MYH7: variants seen among roughly 807,000 people sequenced by gnomAD.
MYH7 encodes myosin heavy chain 7, also known as myosin-7.
In MYH7, 129 loss-of-function variants were observed where a neutral mutation model predicts 225.4. The ratio of observed to expected loss-of-function variants is 0.57; its 90% CI spans 0.50 to 0.66. The LOEUF is 0.66. Among genes scored for constraint, MYH7 ranks in the 30% least tolerant of loss-of-function variants. MYH7 has a pLI of 0.00. For missense variants in MYH7, 1,649 were observed against 2,517.0 expected (o/e 0.66, Z 7.38); for synonymous variants, 971 against 1,007.6 (o/e 0.96, Z 0.69).
At position 23,419,178 on chromosome 14, in the gene MYH7, T is replaced by G; in HGVS notation, c.3971A>C (p.Lys1324Thr). The G allele has an allele frequency of 6.2e-7, 1 of 1,614,208 alleles. No homozygotes were observed. Among genetic ancestry groups the G allele is most frequent in the South Asian group, 1.1e-5 (1 of 91,092 alleles). Residue 1324 changes from lysine (K) to threonine (T), a missense_variant and splice_region_variant, in exon 29 of 40, where the codon AAG becomes ACG. Around this residue, in one of 12 missense-constraint regions of MYH7, gnomAD observed 687 missense variants for 913.8 expected, o/e 0.75. Coordinates refer to ENST00000355349, the MANE Select transcript of MYH7 (RefSeq NM_000257.4). ...DLKRQLEEEV[K>T]AKNALAHALQ... ...AGGTGGCCCGAGTCTAGCCCTTACCTTAACCTCCTCCTCCAGCTGCCTCTT... is the reference window on the plus strand; with the variant it reads ...AGGTGGCCCGAGTCTAGCCCTTACCGTAACCTCCTCCTCCAGCTGCCTCTT...
At position 23,433,683 on chromosome 14, in the gene MYH7, C is replaced by T. The variant is rs727503280; in HGVS notation, c.50G>A (p.Arg17His). ...AVFGAAAPYL[R>H]KSEKERLEAQ... ...TTCTAGCCGCTCCTTCTCTGACTTG[C>T]GCAGGTAGGGGGCGGCAGCCCCAAA... is the stretch of plus-strand genomic sequence containing the variant. Residue 17 changes from arginine to histidine, a missense_variant, in exon 3 of 40, where the codon CGC becomes CAC. This residue lies in a region of MYH7 where 91 missense variants were observed against 96.5 expected (regional missense o/e 0.94). Transcript: ENST00000355349. This position sits in a 1 kb window ranked among gnomAD's most constrained non-coding sequence, Gnocchi z 4.1. 12 of 1,614,138 alleles carry T rather than the reference C, an allele frequency of 7.4e-6. No individual in the cohort carries two copies. The highest frequency in any genetic ancestry group is 2.2e-5 in the East Asian group (1 of 44,894).
intron 11 of MYH7, 46 bp downstream of exon 11, chr14:23,430,514 T>G: frequency 6.7e-7 from 1 of 1,498,792 alleles, no homozygotes; most frequent in African/African-American, 1.4e-5. Flanking sequence ...TGTTTGCCCC[T>G]CACTGCCAAT....
At chr14:23,422,052 T>TC in intron 25 of MYH7, 128 bp downstream of exon 25, 1 of 1,440,616 alleles carries the variant, frequency 6.9e-7, no homozygotes. Flanking sequence ...GGAGGCCTTT[T>TC]CCCATGGTTT....
Position 23,429,887 on chromosome 14 carries a change from A to G in MYH7, c.1026T>C (p.Thr342=), listed in dbSNP as rs768638723. 7 of 1,614,090 alleles carry G rather than the reference A, an allele frequency of 4.3e-6. No homozygotes were observed. In the South Asian group the frequency reaches 7.7e-5, roughly 18 times the overall value. The change falls in exon 12 of 40, where the codon ACT becomes ACC. Residue 342 remains threonine (T), a synonymous_variant. Transcript: ENST00000355349. ...TATACATGGAGTTTTTCTCCTCTGA[A>G]GTGAAGCCCAGCACATCAAAAGCGT... The part of the protein sequence containing the change: ...TDNAFDVLGF[T]SEEKNSMYKL...
rs1162320803 is a variant in MYH7 at position 23,426,059 on chromosome 14, G to T, written c.2067C>A (p.Val689=). 8.1e-6 allele frequency: 13 copies of T among 1,614,212 alleles called. No individual in the cohort carries two copies. Among genetic ancestry groups the T allele is most frequent in the Non-Finnish European group, 1.1e-5 (13 of 1,180,032 alleles). ...KSPGVMDNPL[V]MHQLRCNGVL... ...CACCATTGCAGCGCAGCTGGTGCATGACCAGGGGGTTGTCCATCACCCCTG... is the reference window on the plus strand; with the variant it reads ...CACCATTGCAGCGCAGCTGGTGCATTACCAGGGGGTTGTCCATCACCCCTG... Residue 689 remains valine (V), a synonymous_variant, in exon 19 of 40, where the codon GTC becomes GTA. Coordinates refer to ENST00000355349, the MANE Select transcript of MYH7 (RefSeq NM_000257.4).
In MYH7 at chr14:23,412,862, C is replaced by T. The variant is rs730880825; in HGVS notation, c.5800G>A (p.Glu1934Lys). ...SRDIGTKGLN[E>K]E is the part of the protein sequence containing the mutation. ...ATCAAGATGTGGCAAAGCTACTCCT[C>T]ATTCAAGCCCTTTTGAAAGGAAACA... is the stretch of plus-strand genomic sequence containing the variant. The change falls in exon 40 of 40, where the codon GAG becomes AAG. Residue 1934 changes from glutamate (E) to lysine (K), a missense_variant. By Grantham distance (56) the Glu-to-Lys change is moderately conservative (BLOSUM62 1). Coordinates refer to ENST00000355349, the MANE Select transcript of MYH7 (RefSeq NM_000257.4). 1.9e-6 allele frequency: 3 copies of T among 1,614,098 alleles called. No individual in the cohort carries two copies. The Admixed American group carries it at 5.0e-5, about 27-fold the overall frequency.
In MYH7 at chr14:23,428,420, G is replaced by A. The variant is rs137967908; in HGVS notation, c.1578+80C>T. ...CCTTCTATTTTTATATTCCCCAGAA[G>A]GGAGAGGGGCTGCTATTTTGTCTAT... On this transcript the variant is annotated intron_variant, in intron 15 of 39. Transcript: ENST00000355349. 4 of 1,599,446 alleles carry A rather than the reference G, an allele frequency of 2.5e-6. No homozygotes were observed. The East Asian group carries it at 6.7e-5, about 27-fold the overall frequency.
intron 26 of MYH7, 58 bp downstream of exon 26, chr14:23,420,900 C>A (rs78157728): frequency 2.3e-6 from 3 of 1,309,356 alleles, no homozygotes; most frequent in Non-Finnish European, 3.3e-6. Flanking sequence ...GAGGAGGGGG[C>A]AGGGGAAACA....
rs1006150850 is a variant in MYH7 at position 23,425,504 on chromosome 14, C to G, written c.2287-86G>C. 30 of 1,605,098 alleles carry G rather than the reference C, an allele frequency of 1.9e-5. 1 individual carries two copies. The Admixed American group carries it at 3.4e-4, about 18-fold the overall frequency. On this transcript the variant is annotated intron_variant, in intron 20 of 39. Transcript: ENST00000355349. The surrounding 1 kb of genome is among the most constrained non-coding windows in gnomAD (Gnocchi z 4.6). ...GGATTACCTTAGGAAGGGTAACAGCCTAGAAAAGGATTGCAGGGAGGAGGT... is the reference window on the plus strand; with the variant it reads ...GGATTACCTTAGGAAGGGTAACAGCGTAGAAAAGGATTGCAGGGAGGAGGT...
chr14:23,422,921 G>A (rs1394070620), intron 24 of MYH7, among the ~76,000 whole-genome samples: 1 of 152,166 alleles, frequency 6.6e-6, no homozygotes, highest in East Asian at 1.9e-4. Context: ...GAGCCACCGC[G>A]GCTGGCCGCC....
chr14:23,419,328 C>T (rs977250717), intron 28 of MYH7, 33 bp from the exon 29 acceptor site: 1 of 1,613,490 alleles, frequency 6.2e-7, no homozygotes, highest in Non-Finnish European at 8.5e-7. Flanking sequence ...CAGCACTCCT[C>T]TCTATCCCCA....
intron 24 of MYH7, 45 bp from the exon 25 acceptor site, chr14:23,422,370 A>C (rs772029459): frequency 6.2e-7 from 1 of 1,613,712 alleles, no homozygotes; most frequent in South Asian, 1.1e-5. Flanking sequence ...AAGCATCCTG[A>C]CTTGGTGATT....
chr14:23,413,918 G>T (rs763067471), intron 38 of MYH7, 25 bp from the exon 39 acceptor site: 2 of 1,614,128 alleles, frequency 1.2e-6, no homozygotes, highest in African/African-American at 2.7e-5. Context: ...AGCATGAGGT[G>T]AGAGGGGGCC....
At chr14:23,416,777 G>A (rs1217056689) in intron 33 of MYH7, 91 bp downstream of exon 33, 1 of 1,602,458 alleles carries the variant, frequency 6.2e-7, no homozygotes, top group Admixed American at 1.7e-5. Context: ...GGATGGGACA[G>A]TGAACAAAAC....
rs3729820 is a variant in MYH7, at chr14:23,419,162, G to A, written c.3972+15C>T. 22,007 of 1,612,430 alleles carry A rather than the reference G, an allele frequency of 0.014. 214 individuals carry two copies. Among genetic ancestry groups the A allele is most frequent in the Non-Finnish European group, 0.015 (17,973 of 1,178,446 alleles). On this transcript the variant is annotated intron_variant, in intron 29 of 39. Coordinates refer to ENST00000355349, the MANE Select transcript of MYH7 (RefSeq NM_000257.4). Reference sequence around the variant, plus strand: ...GCTCCTTGCTTGGGCCAGGTGGCCCGAGTCTAGCCCTTACCTTAACCTCCT... The same window carrying A: ...GCTCCTTGCTTGGGCCAGGTGGCCCAAGTCTAGCCCTTACCTTAACCTCCT...
intron 14 of MYH7, 110 bp downstream of exon 14, chr14:23,428,845 A>C (rs1430276140): frequency 6.3e-7 from 1 of 1,587,610 alleles, no homozygotes; most frequent in African/African-American, 1.3e-5. Flanking sequence ...GTCACCACAC[A>C]GTCCCCACTG....
rs761162402 is a variant in MYH7, at chr14:23,415,025, G to C, written c.5529C>G (p.Ser1843Arg). The C allele has an allele frequency of 6.2e-7, 1 of 1,610,550 alleles. No individual in the cohort carries two copies. Among genetic ancestry groups the C allele is most frequent in the Non-Finnish European group, 8.5e-7 (1 of 1,180,000 alleles). ...NAESVKGMRK[S>R]ERRIKELTYQ... ...AGGTGAGCTCCTTGATGCGCCGCTC[G>C]CTCTTCCTCATGCCCTTCACCGACT... The change falls in exon 37 of 40, where the codon AGC becomes AGG. Residue 1843 changes from serine to arginine, a missense_variant. Ser to Arg is a moderately radical substitution (Grantham distance 110, BLOSUM62 -1). This residue lies in a region of MYH7 where 687 missense variants were observed against 913.8 expected (regional missense o/e 0.75). Transcript: ENST00000355349. This position sits in a 1 kb window ranked among gnomAD's most constrained non-coding sequence, Gnocchi z 6.3.
Position 23,425,737 on chromosome 14 carries a change from G to A in MYH7, c.2244C>T (p.Ser748=), listed in dbSNP as rs1439599919. ...TGTACTGGTTGTGATCAATGTCCAG[G>A]GAGCTGAGCAGCTTCTCTGCCCCCT... is the stretch of plus-strand genomic sequence containing the variant. ...SRKGAEKLLS[S]LDIDHNQYKF... The change falls in exon 20 of 40, where the codon TCC becomes TCT. Residue 748 remains serine (S), a synonymous_variant. Coordinates refer to ENST00000355349, the MANE Select transcript of MYH7 (RefSeq NM_000257.4). The surrounding 1 kb of genome is among the most constrained non-coding windows in gnomAD (Gnocchi z 4.6). The A allele has an allele frequency of 6.8e-6, 11 of 1,613,852 alleles. No homozygotes were observed. The highest frequency in any genetic ancestry group is 1.3e-5 in the African/African-American group (1 of 74,894).
intron 37 of MYH7, among the ~76,000 whole-genome samples, chr14:23,414,768 T>A (rs1700537134): frequency 6.6e-6 from 1 of 152,120 alleles, no homozygotes; most frequent in African/African-American, 2.4e-5. Context: ...CCCCTGGCGA[T>A]GGGCTAAGAG....
Sources: allele counts gnomAD v4.1 joint callset (sites outside exome capture counted in the v4.1 genomes callset), GRCh38; gene constraint gnomAD v4.1.1; regional missense constraint gnomAD v4.1.1; non-coding constraint Gnocchi (gnomAD v3.1); transcripts MANE v1.5; gene names NCBI Gene and HGNC (gene_info 2026-07-23, HGNC 2026-07-21).